The following RAB18 variants were observed in gnomAD, a reference collection of about 807,000 sequenced individuals.
RAB18 encodes the protein RAB18, member RAS oncogene family.
RAB18 carries 10 observed loss-of-function variants against 28.5 expected under a neutral mutation model. That is an observed-to-expected ratio of 0.35 (90% CI 0.22 to 0.60). The LOEUF is 0.60. Ranked by LOEUF, RAB18 falls within the 20% of genes least tolerant of loss-of-function variation. RAB18 has a pLI of 0.78. For missense variants in RAB18, 188 were observed against 244.2 expected (o/e 0.77, Z 1.53); for synonymous variants, 93 against 86.9 (o/e 1.07, Z -0.39).
intron 3 of RAB18, 72 bp downstream of exon 3, chr10:27,526,961 A>G: frequency 1.4e-6 from 2 of 1,457,972 alleles, no homozygotes; most frequent in Non-Finnish European, 1.9e-6. Flanking sequence ...TGATTTGTGT[A>G]GTGTTCTAGA....
intron 1 of RAB18, among the ~76,000 whole-genome samples, chr10:27,506,080 C>G (rs953352651): frequency 6.6e-6 from 1 of 152,172 alleles, no homozygotes; most frequent in African/African-American, 2.4e-5. Context: ...ATAGGAATTT[C>G]ACAGCCTTGT....
At chr10:27,511,742 G>T (rs938934916) in intron 2 of RAB18, among the ~76,000 whole-genome samples, 2 of 152,076 alleles carry the variant, frequency 1.3e-5, no homozygotes, top group African/African-American at 4.8e-5. Context: ...TATATTTCTT[G>T]TAGAGAGATA....
chr10:27,535,159 A>G (rs2132410838), intron 6 of RAB18, among the ~76,000 whole-genome samples: 1 of 152,364 alleles, frequency 6.6e-6, no homozygotes, highest in East Asian at 1.9e-4. Flanking sequence ...GAGGATCTAG[A>G]GCAAGCTTGT....
At position 27,538,936 on chromosome 10, in the gene RAB18, C is replaced by CT. The variant is rs1834960407; in HGVS notation, c.*887dup. 1 of 452,090 alleles carries CT rather than the reference C, an allele frequency of 2.2e-6. No individual in the cohort carries two copies. The highest frequency in any genetic ancestry group is 4.4e-6 in the Non-Finnish European group (1 of 225,548). The allele number at this position is 452,090 out of a possible 1,614,324, so 28.0% of individuals were successfully genotyped here. A position where few individuals can be genotyped will look rare whatever the true frequency, so the allele number is the denominator to read the frequency against. On this transcript the variant is annotated 3_prime_UTR_variant, in exon 7 of 7. Transcript: ENST00000356940. Reference sequence around the variant, plus strand: ...GTGTAATGTTGATGAATATCTGTATCTTACGGCTTCCATAATGGCTAGTTG... The same window carrying CT: ...GTGTAATGTTGATGAATATCTGTATCTTTACGGCTTCCATAATGGCTAGTTG...
rs1346580192 is a variant in RAB18 at position 27,540,467 on chromosome 10, ATTTC to A, written c.*2420_*2423del. Reference sequence around the variant, plus strand: ...ACAACCAAGTTAAGGCAGTTCCACTATTTCTTTATCACTCTTTTGTTATATGTAA... The same window carrying A: ...ACAACCAAGTTAAGGCAGTTCCACTATTTATCACTCTTTTGTTATATGTAA... On this transcript the variant is annotated 3_prime_UTR_variant, in exon 7 of 7. Transcript: ENST00000356940. 3 of 453,946 alleles carry A rather than the reference ATTTC, an allele frequency of 6.6e-6. No individual in the cohort carries two copies. The highest frequency in any genetic ancestry group is 2.3e-5 in the Admixed American group (1 of 42,562). The allele number at this position is 453,946 out of a possible 1,614,324, so 28.1% of individuals were successfully genotyped here.
rs74127340 is a variant in RAB18, at chr10:27,530,803, C to T, written c.187-1704C>T. On this transcript the variant is annotated intron_variant, in intron 3 of 6. Coordinates refer to ENST00000356940, the MANE Select transcript of RAB18 (RefSeq NM_021252.5). ...ACATCTTTTGGCTTCTAGTTGATTA[C>T]TTTTTTTTTCCCTGCAAATTTGGGT... Among the ~76,000 whole-genome samples the T allele has an allele frequency of 1.7e-3, 258 of 150,766 alleles. 1 individual carries two copies. Among genetic ancestry groups the T allele is most frequent in the African/African-American group, 5.8e-3 (240 of 41,180 alleles).
chr10:27,530,188 T>C (rs1295705677), intron 3 of RAB18, among the ~76,000 whole-genome samples: 1 of 152,040 alleles, frequency 6.6e-6, no homozygotes, highest in Non-Finnish European at 1.5e-5. Flanking sequence ...AGAATAAACT[T>C]TCTTCCTGTT....
intron 2 of RAB18, among the ~76,000 whole-genome samples, chr10:27,515,540 G>A (rs557794395): frequency 6.6e-6 from 1 of 152,036 alleles, no homozygotes; most frequent in African/African-American, 2.4e-5. Context: ...GGTTGTTATG[G>A]GTTGATGTTA....
At chr10:27,521,847 T>TAA (rs150407024) in intron 2 of RAB18, among the ~76,000 whole-genome samples, 1 of 140,776 alleles carries the variant, frequency 7.1e-6, no homozygotes, top group African/African-American at 2.6e-5. Flanking sequence ...CCTATTGAAA[T>TAA]AAAAAAAAAA....
intron 2 of RAB18, among the ~76,000 whole-genome samples, chr10:27,520,916 CAAAAAAAAAAAAA>C (rs58688075): frequency 5.0e-5 from 2 of 40,096 alleles, no homozygotes; most frequent in South Asian, 8.1e-4. Flanking sequence ...GACTCCATCT[CAAAAAAAAAAAAA>C]AAAAAAAAAA....
chr10:27,523,904 C>T (rs1324252155), intron 2 of RAB18, among the ~76,000 whole-genome samples: 3 of 151,860 alleles, frequency 2.0e-5, no homozygotes, highest in East Asian at 3.9e-4. Context: ...ACGGTGAAAC[C>T]TCGTCTTTAC....
chr10:27,538,743 C>T lies in RAB18; in HGVS notation c.*692C>T, dbSNP rs1388001157. On this transcript the variant is annotated 3_prime_UTR_variant, in exon 7 of 7. Coordinates refer to ENST00000356940, the MANE Select transcript of RAB18 (RefSeq NM_021252.5). ...GTACATTGGATTCATGACTGTGCAG[C>T]ATTTTTAGTTATGTGGTGTTTGGCA... 2.2e-6 allele frequency: 1 copy of T among 454,042 alleles called. No individual in the cohort carries two copies. 28.1% of individuals were successfully genotyped at this position (454,042 alleles called of 1,614,324 possible). A position where few individuals can be genotyped will look rare whatever the true frequency, so the allele number is the denominator to read the frequency against.
chr10:27,526,911 T>A (rs752854100), intron 3 of RAB18, 22 bp downstream of exon 3: 44 of 1,599,738 alleles, frequency 2.8e-5, no homozygotes, highest in Middle Eastern at 1.7e-4. Flanking sequence ...TAAAATGTAT[T>A]TTTAAAATAT....
intron 2 of RAB18, among the ~76,000 whole-genome samples, chr10:27,524,727 C>T (rs1242849621): frequency 1.3e-5 from 2 of 152,190 alleles, no homozygotes; most frequent in Admixed American, 1.3e-4. Context: ...AAAATCAAAT[C>T]TCTCAAAAAG....
At chr10:27,507,004 A>G (rs936252047) in intron 1 of RAB18, among the ~76,000 whole-genome samples, 4 of 152,306 alleles carry the variant, frequency 2.6e-5, no homozygotes, top group Non-Finnish European at 5.9e-5. Flanking sequence ...GGCCTGTGTG[A>G]TATGCTGTGG....
intron 2 of RAB18, among the ~76,000 whole-genome samples, chr10:27,512,930 C>T (rs964654833): frequency 2.0e-5 from 3 of 151,214 alleles, no homozygotes; most frequent in African/African-American, 4.9e-5. Flanking sequence ...TAATTTGTTC[C>T]CCAAATAGGC....
At chr10:27,515,759 A>G (rs866636821) in intron 2 of RAB18, among the ~76,000 whole-genome samples, 1 of 152,062 alleles carries the variant, frequency 6.6e-6, no homozygotes, top group South Asian at 2.1e-4. Flanking sequence ...TTTTCATGAC[A>G]AACTTAAATA....
Position 27,541,244 on chromosome 10 carries a change from C to T in RAB18, c.*3193C>T, listed in dbSNP as rs886046978. 7.1e-5 allele frequency: 32 copies of T among 453,788 alleles called. 1 individual carries two copies. The highest frequency in any genetic ancestry group is 1.2e-4 in the Non-Finnish European group (27 of 226,782). 28.1% of individuals were successfully genotyped at this position (453,788 alleles called of 1,614,324 possible). On this transcript the variant is annotated 3_prime_UTR_variant, in exon 7 of 7. Coordinates refer to ENST00000356940, the MANE Select transcript of RAB18 (RefSeq NM_021252.5). ...TGTATACTCAACTATATAGACTTCA[C>T]CCTGGGTTTTGCCTAAACTGTTGAA... is the stretch of plus-strand genomic sequence containing the variant.
At chr10:27,525,400 C>G (rs1834651540) in intron 2 of RAB18, among the ~76,000 whole-genome samples, 1 of 149,144 alleles carries the variant, frequency 6.7e-6, no homozygotes, top group South Asian at 2.1e-4. Context: ...TTTTCCTCCT[C>G]TGAATTTTCT....
Sources: gnomAD v4.1 joint callset for allele counts (sites outside exome capture counted in the v4.1 genomes callset) on GRCh38, gnomAD v4.1.1 for gene constraint, MANE v1.5 for transcripts, NCBI Gene and HGNC (gene_info 2026-07-23, HGNC 2026-07-21) for gene names.